ANTXR1: variants seen among roughly 807,000 people sequenced by gnomAD.
ANTXR1 encodes anthrax toxin receptor 1.
In ANTXR1, 19 loss-of-function variants were observed where a neutral mutation model predicts 78.1. The observed-to-expected ratio is 0.24, with a 90% CI of 0.17 to 0.36. The LOEUF (loss-of-function observed/expected upper bound fraction) is 0.36, where lower values mean the gene tolerates loss of function less well. Ranked by LOEUF, ANTXR1 falls within the 10% of genes least tolerant of loss-of-function variation. The pLI is 1.00. For missense variants in ANTXR1, 518 were observed against 718.6 expected (o/e 0.72, Z 3.19); for synonymous variants, 273 against 260.5 (o/e 1.05, Z -0.46).
At chr2:69,033,893 T>A (rs1238475207) in intron 1 of ANTXR1, among the ~76,000 whole-genome samples, 2 of 152,354 alleles carry the variant, frequency 1.3e-5, no homozygotes, top group East Asian at 3.9e-4. Flanking sequence ...GTTGTATGTG[T>A]GGCTAATGGA....
At chr2:69,120,807 A>G (rs1013475105) in intron 10 of ANTXR1, among the ~76,000 whole-genome samples, 8 of 152,194 alleles carry the variant, frequency 5.3e-5, no homozygotes, top group African/African-American at 1.7e-4. Context: ...GCTGATTCCA[A>G]ATATGAGGAT....
chr2:69,167,168 T>C (rs1486651951), intron 13 of ANTXR1, among the ~76,000 whole-genome samples: 1 of 151,880 alleles, frequency 6.6e-6, no homozygotes, highest in Non-Finnish European at 1.5e-5. Context: ...AGAGACACAG[T>C]GGGAGGGAAG....
intron 3 of ANTXR1, 23 bp from the exon 4 acceptor site, chr2:69,070,624 A>C (rs1228823193): frequency 1.9e-6 from 3 of 1,611,802 alleles, no homozygotes; most frequent in Non-Finnish European, 1.7e-6. Context: ...AAATAAGACT[A>C]ACAGAGTGTC....
intron 6 of ANTXR1, among the ~76,000 whole-genome samples, chr2:69,074,559 T>C (rs911307513): frequency 6.6e-6 from 1 of 152,186 alleles, no homozygotes; most frequent in African/African-American, 2.4e-5. Flanking sequence ...TTCTTGACAA[T>C]TCTATATAAA....
chr2:69,108,076 A>G (rs1214600168), intron 10 of ANTXR1, among the ~76,000 whole-genome samples: 3 of 152,234 alleles, frequency 2.0e-5, no homozygotes, highest in Non-Finnish European at 4.4e-5. Flanking sequence ...CACAAGCCAC[A>G]TGTGGCTGCT....
chr2:69,057,725 G>T (rs980253815), intron 3 of ANTXR1, among the ~76,000 whole-genome samples: 1 of 152,182 alleles, frequency 6.6e-6, no homozygotes, highest in Non-Finnish European at 1.5e-5. Flanking sequence ...AGTGAAAGGA[G>T]TAGTTGCAAG....
At chr2:69,106,482 A>G (rs968150193) in intron 10 of ANTXR1, among the ~76,000 whole-genome samples, 3 of 152,244 alleles carry the variant, frequency 2.0e-5, no homozygotes, top group African/African-American at 7.2e-5. Context: ...CCCGATGCTG[A>G]TGCAGATACA....
intron 1 of ANTXR1, among the ~76,000 whole-genome samples, chr2:69,029,287 C>A (rs900098689): frequency 2.7e-5 from 4 of 148,290 alleles, no homozygotes; most frequent in African/African-American, 9.9e-5. Flanking sequence ...TCCAGGATAT[C>A]TAATATCTAA....
At chr2:69,220,853 G>A (rs755707272) in intron 17 of ANTXR1, among the ~76,000 whole-genome samples, 10 of 152,164 alleles carry the variant, frequency 6.6e-5, no homozygotes, top group South Asian at 4.1e-4. Flanking sequence ...ATCTCTCTCC[G>A]TGTATCAAAT....
chr2:69,181,558 G>A (rs1674274899), intron 14 of ANTXR1, among the ~76,000 whole-genome samples: 1 of 152,196 alleles, frequency 6.6e-6, no homozygotes, highest in African/African-American at 2.4e-5. Context: ...GAACAGGACT[G>A]TACCACAAAC....
intron 17 of ANTXR1, among the ~76,000 whole-genome samples, chr2:69,195,729 A>AT (rs1241198544): frequency 2.0e-5 from 3 of 152,116 alleles, no homozygotes; most frequent in African/African-American, 7.2e-5. Context: ...AAATGAAGAA[A>AT]TTTTTTTAGC....
At chr2:69,056,929 T>C (rs1306317828) in intron 3 of ANTXR1, among the ~76,000 whole-genome samples, 1 of 152,146 alleles carries the variant, frequency 6.6e-6, no homozygotes, top group Non-Finnish European at 1.5e-5. Context: ...TCTGGCCACC[T>C]AGGCCTCCCA....
chr2:69,122,248 G>A (rs1672372019), intron 10 of ANTXR1, among the ~76,000 whole-genome samples: 1 of 152,146 alleles, frequency 6.6e-6, no homozygotes, highest in Admixed American at 6.5e-5. Flanking sequence ...CTGCACAAAA[G>A]CATAGCTCAT....
At chr2:69,107,114 T>TCCC (rs34557549) in intron 10 of ANTXR1, among the ~76,000 whole-genome samples, 8 of 148,656 alleles carry the variant, frequency 5.4e-5, no homozygotes, top group Middle Eastern at 3.5e-3. Context: ...GGAAATTTCA[T>TCCC]CCCCCCCCCG....
At chr2:69,232,895 G>C (rs188856166) in intron 17 of ANTXR1, among the ~76,000 whole-genome samples, 41 of 152,206 alleles carry the variant, frequency 2.7e-4, no homozygotes, top group Non-Finnish European at 4.4e-4. Flanking sequence ...AAAAAGGAAG[G>C]TTAGAACATG....
intron 1 of ANTXR1, among the ~76,000 whole-genome samples, chr2:69,039,600 C>T (rs899669692): frequency 2.0e-5 from 3 of 152,118 alleles, no homozygotes; most frequent in African/African-American, 7.2e-5. Context: ...TCTATATTTA[C>T]AAATGAAGTT....
intron 10 of ANTXR1, among the ~76,000 whole-genome samples, chr2:69,108,890 C>T (rs1671892949): frequency 6.6e-6 from 1 of 152,044 alleles, no homozygotes; most frequent in Admixed American, 6.6e-5. Flanking sequence ...TAAAATGTAA[C>T]AAGAACTAAT....
chr2:69,125,838 CA>C (rs970588467), intron 12 of ANTXR1, among the ~76,000 whole-genome samples: 16 of 145,574 alleles, frequency 1.1e-4, no homozygotes, highest in African/African-American at 2.0e-4. Flanking sequence ...GACCCTGTCT[CA>C]AAAAAAAAAA....
chr2:69,226,818 C>G (rs990158075), intron 17 of ANTXR1, among the ~76,000 whole-genome samples: 3 of 152,198 alleles, frequency 2.0e-5, no homozygotes, highest in African/African-American at 7.2e-5. Context: ...TACCCTGCCT[C>G]TTTCCAAAAG....
Sources: gnomAD v4.1 joint callset for allele counts (sites outside exome capture counted in the v4.1 genomes callset) on GRCh38, gnomAD v4.1.1 for gene constraint, MANE v1.5 for transcripts, NCBI Gene and HGNC (gene_info 2026-07-23, HGNC 2026-07-21) for gene names.